COMMD6: variants seen among roughly 807,000 people sequenced by gnomAD.
COMMD6 encodes the protein COMM domain-containing protein 6.
COMMD6 carries 11 observed loss-of-function variants against 13.4 expected under a neutral mutation model. The ratio of observed to expected loss-of-function variants is 0.82; its 90% CI spans 0.52 to 1.36. COMMD6 has a LOEUF of 1.36. COMMD6 is among the 40% of genes most tolerant of loss of function. COMMD6 has a pLI of 0.00. For missense variants in COMMD6, 124 were observed against 102.4 expected (o/e 1.21, Z -0.91); for synonymous variants, 43 against 36.5 (o/e 1.18, Z -0.64).
upstream of COMMD6, among the ~76,000 whole-genome samples, chr13:75,542,040 G>A (rs142144047): frequency 1.2e-3 from 187 of 152,324 alleles, 1 homozygote; most frequent in African/African-American, 4.3e-3. Context: ...TTACATAATT[G>A]TTTTGTGATA....
rs534464452 is a variant in COMMD6, at chr13:75,544,290, C to CA, written n.106+5032dup. On this transcript the variant is annotated intron_variant and non_coding_transcript_variant, in intron 1 of 2. Coordinates refer to the COMMD6 transcript ENST00000460675. ...CACATGATTGAAAAACAAAACAAAA[C>CA]AAAAAACAATCTATATCAGAAACTC... is the stretch of plus-strand genomic sequence containing the variant. 1.7e-3 allele frequency among the ~76,000 whole-genome samples: 253 copies of CA among 152,178 alleles called. 1 individual carries two copies. The highest frequency in any genetic ancestry group is 5.2e-3 in the Admixed American group (79 of 15,290).
At chr13:75,546,586 C>A (rs910911436) in intron 1 of COMMD6, among the ~76,000 whole-genome samples, 8 of 118,600 alleles carry the variant, frequency 6.7e-5, no homozygotes, top group African/African-American at 1.8e-4. Context: ...GCAGTTGCTG[C>A]AAAATGTAAC....
At chr13:75,527,359 A>G (rs1391878051) in intron 3 of COMMD6, among the ~76,000 whole-genome samples, 3 of 152,190 alleles carry the variant, frequency 2.0e-5, no homozygotes, top group African/African-American at 7.2e-5. Context: ...GTTTTAATTT[A>G]TATGCAAATT....
chr13:75,533,570 GAAAA>G (rs57092186), intron 2 of COMMD6, among the ~76,000 whole-genome samples: 1 of 131,056 alleles, frequency 7.6e-6, no homozygotes, highest in Non-Finnish European at 1.6e-5. Context: ...CCCCAAATCT[GAAAA>G]AAAAAAAAAA....
Position 75,526,607 on chromosome 13 carries a change from T to C in COMMD6, c.240A>G (p.Ala80=). The part of the protein sequence containing the change: ...NFYRQFKEIA[A]VIETV ...TCCGTCTTCACACCGTTTCAATAAC[T>C]GCAGCAATTTCCTTGAACTGTCTGT... is the stretch of plus-strand genomic sequence containing the variant. Residue 80 remains alanine (A), a synonymous_variant, in exon 4 of 4, where the codon GCA becomes GCG. Transcript: ENST00000682242. The C allele has an allele frequency of 6.2e-7, 1 of 1,607,416 alleles. No homozygotes were observed. Among genetic ancestry groups the C allele is most frequent in the South Asian group, 1.1e-5 (1 of 90,060 alleles).
rs568687107 is a variant in COMMD6, at chr13:75,530,158, G to C, written c.163C>G (p.Gln55Glu). Residue 55 changes from glutamine (Q) to glutamate (E), a missense_variant, in exon 3 of 4, where the codon CAA becomes GAA. Coordinates refer to ENST00000682242, the MANE Select transcript of COMMD6 (RefSeq NM_203495.4). ...VMLKVADHSG[Q>E]VKTKCFEMTI... The stretch of plus-strand genomic sequence containing the variant: ...ATTTCAAAGCACTTGGTCTTTACTT[G>C]GCCTGAATGATCTGCCACTTTTAGC... 1.9e-6 allele frequency: 3 copies of C among 1,613,628 alleles called. No homozygotes were observed. The highest frequency in any genetic ancestry group is 2.2e-5 in the South Asian group (2 of 91,050).
rs1566200279 is a variant in COMMD6, at chr13:75,537,649, CG to C, written c.54+14del. On this transcript the variant is annotated intron_variant, in intron 2 of 3. Transcript: ENST00000682242. ...CAGGCTGGCGGAGGACAGGGCGGGG[CG>C]GCCGCTCACCCACCTGGTTGGTGAC... The C allele has an allele frequency of 6.2e-7, 1 of 1,613,782 alleles. No individual in the cohort carries two copies. Among genetic ancestry groups the C allele is most frequent in the East Asian group, 2.2e-5 (1 of 44,876 alleles).
chr13:75,528,089 G>A (rs1027440646), intron 3 of COMMD6, among the ~76,000 whole-genome samples: 2 of 151,210 alleles, frequency 1.3e-5, no homozygotes, highest in Admixed American at 6.6e-5. Flanking sequence ...GGGTGGATGT[G>A]TTAATTAGAG....
intron 1 of COMMD6, among the ~76,000 whole-genome samples, chr13:75,544,334 G>C (rs2138430549): frequency 6.6e-6 from 1 of 152,302 alleles, no homozygotes; most frequent in East Asian, 1.9e-4. Context: ...AATGCACTTA[G>C]AAAAGTTTTA....
chr13:75,527,788 T>C (rs1320896521), intron 3 of COMMD6: 14 of 1,465,768 alleles, frequency 9.6e-6, no homozygotes, highest in African/African-American at 1.4e-5. Context: ...CACTTATATG[T>C]GGAATCTAAA....
chr13:75,542,935 G>A (rs1447406791), upstream of COMMD6, among the ~76,000 whole-genome samples: 1 of 152,224 alleles, frequency 6.6e-6, no homozygotes, highest in African/African-American at 2.4e-5. Flanking sequence ...AATCAACCTA[G>A]ATGCCCATCA....
Position 75,532,645 on chromosome 13 carries a change from C to T in COMMD6, c.55-2379G>A, listed in dbSNP as rs184539067. On this transcript the variant is annotated intron_variant, in intron 2 of 3. Coordinates refer to ENST00000682242, the MANE Select transcript of COMMD6 (RefSeq NM_203495.4). ...AGGAGATCAGAATCATCCTGGCTAA[C>T]ACAGTGAAACCCCATCTCTACCAAA... is the stretch of plus-strand genomic sequence containing the variant. 2.2e-3 allele frequency among the ~76,000 whole-genome samples: 329 copies of T among 152,198 alleles called. 4 individuals are homozygous for T. The East Asian group carries it at 0.051, about 24-fold the overall frequency.
chr13:75,543,426 A>C (rs990712988), upstream of COMMD6, among the ~76,000 whole-genome samples: 1 of 152,220 alleles, frequency 6.6e-6, no homozygotes, highest in African/African-American at 2.4e-5. Context: ...CCCTGTCAAC[A>C]TTGTGATTTT....
chr13:75,537,307 T>G (rs1227484599), intron 2 of COMMD6: 1 of 1,546,154 alleles, frequency 6.5e-7, no homozygotes, highest in East Asian at 2.4e-5. Flanking sequence ...CAAAAATAAC[T>G]TAGAGACTAA....
Position 75,525,821 on chromosome 13 carries a change from T to G in COMMD6, c.*768A>C, listed in dbSNP as rs2030226914. ...CATCTATTCTATTCCGGTGGTCTAT[T>G]TGCTTACTTCTAAACAAATGCCATA... On this transcript the variant is annotated 3_prime_UTR_variant, in exon 4 of 4. Transcript: ENST00000682242. 6.6e-6 allele frequency: 1 copy of G among 152,260 alleles called. No individual in the cohort carries two copies. Among genetic ancestry groups the G allele is most frequent in the South Asian group, 2.1e-4 (1 of 4,834 alleles). The allele number at this position is 152,260 out of a possible 1,614,324, so 9.4% of individuals were successfully genotyped here.
Position 75,528,338 on chromosome 13 carries a change from C to T in COMMD6, c.208-1699G>A, listed in dbSNP as rs117907395. Among the ~76,000 whole-genome samples, 728 of 152,038 alleles carry T rather than the reference C, an allele frequency of 4.8e-3. 1 individual carries two copies. The highest frequency in any genetic ancestry group is 7.8e-3 in the Non-Finnish European group (528 of 67,996). ...CTGTGAATTACAAAAAAGACCAAAA[C>T]GTGTATTCTCTTTCGAAATTGACTG... On this transcript the variant is annotated intron_variant, in intron 3 of 3. Coordinates refer to ENST00000682242, the MANE Select transcript of COMMD6 (RefSeq NM_203495.4).
chr13:75,533,016 T>C (rs1218055515), intron 2 of COMMD6, among the ~76,000 whole-genome samples: 10 of 151,244 alleles, frequency 6.6e-5, no homozygotes, highest in South Asian at 4.2e-4. Flanking sequence ...CTGCAAGCTC[T>C]GCCTCCCGGG....
chr13:75,531,790 AAG>A (rs775844433), intron 2 of COMMD6, among the ~76,000 whole-genome samples: 22 of 152,228 alleles, frequency 1.4e-4, no homozygotes, highest in Non-Finnish European at 2.8e-4. Flanking sequence ...CAATCTATCA[AAG>A]AGCTGACTTT....
At chr13:75,527,770 C>A (rs368029709) in intron 3 of COMMD6, 2 of 1,399,108 alleles carry the variant, frequency 1.4e-6, no homozygotes, top group Non-Finnish European at 9.4e-7. Context: ...GCTAATACTG[C>A]GTGATCTCAC....
Sources: allele counts gnomAD v4.1 joint callset (sites outside exome capture counted in the v4.1 genomes callset), GRCh38; gene constraint gnomAD v4.1.1; transcripts MANE v1.5; gene names NCBI Gene and HGNC (gene_info 2026-07-23, HGNC 2026-07-21).